The following SHANK2 variants were observed in gnomAD, a reference collection of about 807,000 sequenced individuals.
SHANK2 encodes the protein SH3 and multiple ankyrin repeat domains 2.
A neutral mutation model predicts 133.7 loss-of-function variants in SHANK2; 43 were observed. The ratio of observed to expected loss-of-function variants is 0.32; its 90% CI spans 0.25 to 0.41. The LOEUF (loss-of-function observed/expected upper bound fraction) is 0.41, where lower values mean the gene tolerates loss of function less well. Among genes scored for constraint, SHANK2 ranks in the 10% least tolerant of loss-of-function variants. The pLI, the probability that SHANK2 is intolerant of heterozygous loss-of-function variation, is 1.00. For synonymous variants in SHANK2, 1,017 were observed against 952.8 expected (o/e 1.07, Z -1.24); for missense variants, 1,994 against 2,235.8 (o/e 0.89, Z 2.18).
chr11:70,552,339 C>T (rs1554978333), intron 17 of SHANK2, among the ~76,000 whole-genome samples: 1 of 152,194 alleles, frequency 6.6e-6, no homozygotes, highest in African/African-American at 2.4e-5. Context: ...GAGGTTGGGA[C>T]TCCTGGTGCC....
At chr11:70,901,927 T>C (rs534831626) in intron 10 of SHANK2, among the ~76,000 whole-genome samples, 14 of 152,290 alleles carry the variant, frequency 9.2e-5, no homozygotes, top group South Asian at 6.2e-4. Context: ...GGAATCCACA[T>C]GTGAAGCCAA....
Position 70,569,487 on chromosome 11 carries a change from G to A in SHANK2, c.2062-66556C>T, listed in dbSNP as rs1017809488. On this transcript the variant is annotated intron_variant, in intron 17 of 25. Coordinates refer to ENST00000601538, the MANE Select transcript of SHANK2 (RefSeq NM_012309.5). The surrounding 1 kb of genome is among the most constrained non-coding windows in gnomAD (Gnocchi z 5.1). ...GTGGATGGCGGGGTTGACCAACGATGAGGCCCCAGGAAGAGAGGCATGGGT... is the reference window on the plus strand; with the variant it reads ...GTGGATGGCGGGGTTGACCAACGATAAGGCCCCAGGAAGAGAGGCATGGGT... Among the ~76,000 whole-genome samples, 2 of 152,154 alleles carry A rather than the reference G, an allele frequency of 1.3e-5. No individual in the cohort carries two copies. The highest frequency in any genetic ancestry group is 1.3e-4 in the Admixed American group (2 of 15,280).
At chr11:70,902,760 G>A (rs1181567357) in intron 10 of SHANK2, among the ~76,000 whole-genome samples, 1 of 152,170 alleles carries the variant, frequency 6.6e-6, no homozygotes, top group Admixed American at 6.5e-5. Flanking sequence ...CCTTTTGCTG[G>A]TGCTGACAAA....
intron 17 of SHANK2, among the ~76,000 whole-genome samples, chr11:70,636,442 AAT>A (rs1232443571): frequency 2.7e-4 from 39 of 146,988 alleles, no homozygotes; most frequent in Non-Finnish European, 2.5e-4. Flanking sequence ...TGAGCATATG[AAT>A]ATGTGTGAGC....
At chr11:70,556,256 T>C (rs1232152993) in intron 17 of SHANK2, among the ~76,000 whole-genome samples, 2 of 152,246 alleles carry the variant, frequency 1.3e-5, no homozygotes, top group Non-Finnish European at 1.5e-5. Context: ...TTCCATTGTC[T>C]GAATATATCA....
intron 1 of SHANK2, among the ~76,000 whole-genome samples, chr11:71,234,655 G>A (rs1954801892): frequency 6.6e-6 from 1 of 152,114 alleles, no homozygotes; most frequent in Admixed American, 6.5e-5. Context: ...CCTGGTCTCT[G>A]GAGCAGCCCA....
At chr11:71,234,406 A>ATAAATAAAT (rs1565530389) in intron 1 of SHANK2, among the ~76,000 whole-genome samples, 12 of 128,062 alleles carry the variant, frequency 9.4e-5, no homozygotes, top group African/African-American at 4.4e-4. Context: ...AATAAATAAC[A>ATAAATAAAT]ACAAAATGTT....
chr11:70,661,537 AC>A lies in SHANK2; in HGVS notation c.1936+58del, dbSNP rs2061489595. 6.7e-6 allele frequency: 8 copies of A among 1,195,520 alleles called. No homozygotes were observed. In the African/African-American group the frequency reaches 1.0e-4, roughly 15 times the overall value. 74.1% of individuals were successfully genotyped at this position (1,195,520 alleles called of 1,614,324 possible). A position where few individuals can be genotyped will look rare whatever the true frequency, so the allele number is the denominator to read the frequency against. Reference sequence around the variant, plus strand: ...CACACACACACACACACACACACACACACACACACACACACACAAACATGGG... The same window carrying A: ...CACACACACACACACACACACACACAACACACACACACACACAAACATGGG... On this transcript the variant is annotated intron_variant, in intron 16 of 25. Coordinates refer to ENST00000601538, the MANE Select transcript of SHANK2 (RefSeq NM_012309.5).
At position 71,090,625 on chromosome 11, in the gene SHANK2, C is replaced by CTGTGTGTGTGTG. The variant is rs782587800; in HGVS notation, c.912+1785_912+1796dup. On this transcript the variant is annotated intron_variant, in intron 8 of 25. Coordinates refer to ENST00000601538, the MANE Select transcript of SHANK2 (RefSeq NM_012309.5). Reference sequence around the variant, plus strand: ...AGGGTTCTCCAGAGAAACACAACCTCTGTGTGTGTGTGTGTGTGTGTGTGT... The same window carrying CTGTGTGTGTGTG: ...AGGGTTCTCCAGAGAAACACAACCTCTGTGTGTGTGTGTGTGTGTGTGTGTGTGTGTGTGTGT... Among the ~76,000 whole-genome samples, 5 of 102,894 alleles carry CTGTGTGTGTGTG rather than the reference C, an allele frequency of 4.9e-5. No homozygotes were observed. In the Admixed American group the frequency reaches 5.1e-4, roughly 10 times the overall value. The allele number at this position is 102,894 out of a possible 152,430, so 67.5% of individuals were successfully genotyped here.
chr11:70,558,695 A>T (rs1246665012), intron 17 of SHANK2, among the ~76,000 whole-genome samples: 3 of 98,028 alleles, frequency 3.1e-5, no homozygotes, highest in African/African-American at 1.0e-4. Context: ...CAGATTCTAC[A>T]CTTGGGCACT....
At chr11:70,617,267 G>A (rs759898922) in intron 17 of SHANK2, among the ~76,000 whole-genome samples, 112 of 151,790 alleles carry the variant, frequency 7.4e-4, no homozygotes, top group South Asian at 1.7e-3. Flanking sequence ...GTGTGTCAAT[G>A]TCTATGATGG....
intron 2 of SHANK2, among the ~76,000 whole-genome samples, chr11:71,206,834 A>G (rs1189877509): frequency 6.6e-6 from 1 of 152,126 alleles, no homozygotes. Flanking sequence ...CCAGCTACTG[A>G]GGAGGTTGAG....
At chr11:71,147,076 G>T in intron 3 of SHANK2, 44 bp downstream of exon 3, 1 of 1,485,826 alleles carries the variant, frequency 6.7e-7, no homozygotes, top group Non-Finnish European at 9.0e-7. Context: ...AGCCACAGGT[G>T]ACATTGTCCA....
At chr11:71,214,392 C>G (rs957622182) in intron 2 of SHANK2, among the ~76,000 whole-genome samples, 3 of 152,200 alleles carry the variant, frequency 2.0e-5, no homozygotes, top group African/African-American at 7.2e-5. Flanking sequence ...GCTCCCCAGG[C>G]CCTAGAGGGA....
intron 17 of SHANK2, among the ~76,000 whole-genome samples, chr11:70,544,764 C>T (rs894303530): frequency 2.6e-5 from 4 of 152,234 alleles, no homozygotes; most frequent in Non-Finnish European, 5.9e-5. Context: ...CTCACTGCGA[C>T]GACAGAGGCG....
Position 71,228,386 on chromosome 11 carries a change from A to C in SHANK2, c.-112-3590T>G, listed in dbSNP as rs140904294. 3.2e-3 allele frequency among the ~76,000 whole-genome samples: 482 copies of C among 150,194 alleles called. 3 individuals carry two copies. Among genetic ancestry groups the C allele is most frequent in the African/African-American group, 0.011 (463 of 41,390 alleles). ...TACACAATTTCTTCCAGAAAGTAGA[A>C]TAGGAGAGAACATTTCTTAATTTAT... On this transcript the variant is annotated intron_variant, in intron 1 of 25. Coordinates refer to ENST00000601538, the MANE Select transcript of SHANK2 (RefSeq NM_012309.5).
At chr11:71,116,777 C>G (rs1555100453) in intron 4 of SHANK2, among the ~76,000 whole-genome samples, 1 of 152,134 alleles carries the variant, frequency 6.6e-6, no homozygotes, top group African/African-American at 2.4e-5. Flanking sequence ...GGCCTGGAGC[C>G]CTCCCCATGG....
intron 11 of SHANK2, among the ~76,000 whole-genome samples, chr11:70,862,456 T>C (rs1555067984): frequency 6.6e-6 from 1 of 152,200 alleles, no homozygotes. Context: ...GTGCAATACG[T>C]CAGTTGGTAT....
intron 16 of SHANK2, among the ~76,000 whole-genome samples, chr11:70,660,379 A>G (rs2061466570): frequency 6.6e-6 from 1 of 152,220 alleles, no homozygotes; most frequent in Non-Finnish European, 1.5e-5. Flanking sequence ...AACCAAGGGA[A>G]TTCAACTTGG....
Sources: allele counts gnomAD v4.1 joint callset (sites outside exome capture counted in the v4.1 genomes callset), GRCh38; gene constraint gnomAD v4.1.1; non-coding constraint Gnocchi (gnomAD v3.1); transcripts MANE v1.5; gene names NCBI Gene and HGNC (gene_info 2026-07-23, HGNC 2026-07-21).